NME9: variants seen among roughly 807,000 people sequenced by gnomAD.
NME9 encodes the protein thioredoxin domain-containing protein 6.
In NME9, 48 loss-of-function variants were observed where a neutral mutation model predicts 44.4. That is an observed-to-expected ratio of 1.08 (90% CI 0.86 to 1.37). NME9 has a LOEUF of 1.37. Among genes scored for constraint, NME9 ranks in the 40% most tolerant of loss-of-function variants. NME9 has a pLI of 0.00. For synonymous variants in NME9, 139 were observed against 147.1 expected (o/e 0.94, Z 0.40); for missense variants, 325 against 405.2 (o/e 0.80, Z 1.70).
At chr3:138,316,604 CTATTTATT>C (rs111458947) in intron 4 of NME9, among the ~76,000 whole-genome samples, 12 of 151,718 alleles carry the variant, frequency 7.9e-5, no homozygotes, top group Non-Finnish European at 1.8e-4. Context: ...TTTCAAAAGT[CTATTTATT>C]TATTTATTTA....
intron 8 of NME9, among the ~76,000 whole-genome samples, chr3:138,286,727 A>C (rs1435964542): frequency 6.8e-6 from 1 of 148,128 alleles, no homozygotes; most frequent in Admixed American, 6.7e-5. Context: ...GTACAGACAG[A>C]GTTGAGAACC....
At chr3:138,328,302 C>A (rs568473885) in intron 1 of NME9, among the ~76,000 whole-genome samples, 1 of 152,272 alleles carries the variant, frequency 6.6e-6, no homozygotes, top group East Asian at 1.9e-4. Flanking sequence ...AGAACTACAT[C>A]AGGTCTTCTG....
chr3:138,313,225 T>C (rs1013196502), intron 6 of NME9, among the ~76,000 whole-genome samples: 2 of 152,128 alleles, frequency 1.3e-5, no homozygotes, highest in Non-Finnish European at 2.9e-5. Flanking sequence ...ATCCAGTCTC[T>C]ACTAAAAATG....
chr3:138,306,774 A>T (rs550829566), intron 6 of NME9, among the ~76,000 whole-genome samples: 12 of 152,226 alleles, frequency 7.9e-5, no homozygotes. Context: ...GAGGAGGAAC[A>T]TGGGAGAAGG....
chr3:138,278,325 G>T (rs2049511095), intron 8 of NME9, among the ~76,000 whole-genome samples: 1 of 152,030 alleles, frequency 6.6e-6, no homozygotes, highest in African/African-American at 2.4e-5. Flanking sequence ...TAGCAACATG[G>T]TGAAGCCCTG....
At chr3:138,267,563 T>G (rs1250718166) in intron 8 of NME9, among the ~76,000 whole-genome samples, 1 of 152,200 alleles carries the variant, frequency 6.6e-6, no homozygotes, top group Non-Finnish European at 1.5e-5. Flanking sequence ...CAGGCTATCT[T>G]TACTAAAGAA....
intron 10 of NME9, among the ~76,000 whole-genome samples, 196 bp from the exon 11 acceptor site, chr3:138,301,900 TGCCAGACCAAGA>T (rs1178845139): frequency 1.3e-5 from 2 of 152,248 alleles, no homozygotes; most frequent in African/African-American, 2.4e-5. Context: ...TTGTGTCAGA[TGCCAGACCAAGA>T]GCTTTACATC....
chr3:138,288,994 T>A, intron 8 of NME9: 1 of 1,489,460 alleles, frequency 6.7e-7, no homozygotes, highest in Non-Finnish European at 9.2e-7. Flanking sequence ...CAAAAAAAAA[T>A]CTAAAATGAG....
intron 8 of NME9, among the ~76,000 whole-genome samples, chr3:138,271,976 G>A (rs2048847841): frequency 6.6e-6 from 1 of 151,902 alleles, no homozygotes; most frequent in South Asian, 2.1e-4. Flanking sequence ...AGAGATTTTT[G>A]TATCAAAAGT....
At chr3:138,264,924 G>T (rs1266947937) in intron 8 of NME9, among the ~76,000 whole-genome samples, 2 of 150,656 alleles carry the variant, frequency 1.3e-5, no homozygotes, top group South Asian at 2.1e-4. Flanking sequence ...TAGACACAGG[G>T]TCTCACTGTG....
intron 8 of NME9, chr3:138,284,618 G>A: frequency 4.1e-6 from 4 of 967,480 alleles, no homozygotes; most frequent in Non-Finnish European, 6.4e-6. Flanking sequence ...TTTAAAAAGA[G>A]GAAAAGAATA....
At chr3:138,301,779 C>T (rs1312973910) in intron 10 of NME9, 75 bp from the exon 11 acceptor site, 2 of 1,214,148 alleles carry the variant, frequency 1.6e-6, no homozygotes, top group Admixed American at 2.0e-5. Context: ...CCACCATCCA[C>T]AAAGAAATAG....
intron 10 of NME9, 99 bp downstream of exon 10, chr3:138,303,408 G>T: frequency 1.1e-6 from 1 of 925,522 alleles, no homozygotes; most frequent in African/African-American, 1.6e-5. Context: ...TGAAGACTTA[G>T]TTACCAAAAA....
In NME9 at chr3:138,324,940, A is replaced by G; in HGVS notation, c.34-10T>C. On this transcript the variant is annotated splice_polypyrimidine_tract_variant and intron_variant, in intron 1 of 10. Coordinates refer to ENST00000333911, the MANE Select transcript of NME9 (RefSeq NM_001349018.2). The stretch of plus-strand genomic sequence containing the variant: ...GGGTGCTGATGTTGACCTAAAGCCA[A>G]AGAGGATCAAATGCCGTATTACTGA... The G allele has an allele frequency of 6.2e-7, 1 of 1,612,482 alleles. No individual in the cohort carries two copies. The highest frequency in any genetic ancestry group is 8.5e-7 in the Non-Finnish European group (1 of 1,178,538).
chr3:138,302,157 G>A (rs2051893407), intron 10 of NME9, among the ~76,000 whole-genome samples: 1 of 152,136 alleles, frequency 6.6e-6, no homozygotes, highest in Non-Finnish European at 1.5e-5. Context: ...GCTAACTACA[G>A]TGGAGGCATA....
At chr3:138,274,359 T>C (rs934258166) in intron 8 of NME9, 3 of 801,328 alleles carry the variant, frequency 3.7e-6, no homozygotes, top group Non-Finnish European at 6.3e-6. Context: ...GAAGCAGTTG[T>C]GAATCATATT....
chr3:138,278,921 T>C (rs550996662), intron 8 of NME9, among the ~76,000 whole-genome samples: 1 of 152,046 alleles, frequency 6.6e-6, no homozygotes, highest in Non-Finnish European at 1.5e-5. Flanking sequence ...AAAGTCACTT[T>C]AAGTTATTTT....
At chr3:138,321,163 C>T (rs1238675920) in intron 2 of NME9, among the ~76,000 whole-genome samples, 2 of 152,092 alleles carry the variant, frequency 1.3e-5, no homozygotes, top group South Asian at 4.2e-4. Flanking sequence ...AAGTCATGGA[C>T]CTAAGGTAAG....
intron 8 of NME9, among the ~76,000 whole-genome samples, chr3:138,277,374 A>T (rs1002131897): frequency 6.6e-6 from 1 of 152,242 alleles, no homozygotes; most frequent in Non-Finnish European, 1.5e-5. Context: ...GAAATTTAAA[A>T]CATTCAGAAA....
Sources: allele counts gnomAD v4.1 joint callset (sites outside exome capture counted in the v4.1 genomes callset), GRCh38; gene constraint gnomAD v4.1.1; transcripts MANE v1.5; gene names NCBI Gene and HGNC (gene_info 2026-07-23, HGNC 2026-07-21).